The following PCNX2 variants were observed in gnomAD, a reference collection of about 807,000 sequenced individuals.
PCNX2 encodes the protein pecanex-like protein 2.
In PCNX2, 168 loss-of-function variants were observed where a neutral mutation model predicts 223.8. The ratio of observed to expected loss-of-function variants is 0.75; its 90% CI spans 0.66 to 0.85. The LOEUF (loss-of-function observed/expected upper bound fraction) is 0.85. Among genes scored for constraint, PCNX2 ranks in the 40% least tolerant of loss-of-function variants. The pLI, the probability that PCNX2 is intolerant of heterozygous loss-of-function variation, is 0.00. For missense variants in PCNX2, 2,507 were observed against 2,675.5 expected (o/e 0.94, Z 1.39); for synonymous variants, 1,006 against 1,052.6 (o/e 0.96, Z 0.86).
chr1:232,986,027 C>A (rs574525121), intron 33 of PCNX2, 65 bp downstream of exon 33: 1 of 1,519,278 alleles, frequency 6.6e-7, no homozygotes, highest in Non-Finnish European at 8.9e-7. Context: ...GCAGGTGCCA[C>A]GCTCAGGCCA....
At chr1:233,026,905 C>T (rs189491496) in intron 25 of PCNX2, among the ~76,000 whole-genome samples, 1 of 152,282 alleles carries the variant, frequency 6.6e-6, no homozygotes, top group East Asian at 1.9e-4. Context: ...GCTCTGGGGA[C>T]AAGCCCTGGC....
intron 23 of PCNX2, among the ~76,000 whole-genome samples, chr1:233,084,394 G>A (rs904793311): frequency 1.3e-5 from 2 of 152,148 alleles, no homozygotes; most frequent in Admixed American, 6.5e-5. Flanking sequence ...CAGTACACTC[G>A]CATAGATGAT....
chr1:233,081,758 C>G (rs1394661038), intron 23 of PCNX2, among the ~76,000 whole-genome samples: 1 of 152,182 alleles, frequency 6.6e-6, no homozygotes, highest in Non-Finnish European at 1.5e-5. Context: ...TTCTGACCTG[C>G]AGTGGTTCTG....
the PCNX2 span, among the ~76,000 whole-genome samples, chr1:233,319,657 G>T: frequency 3.5e-4 from 53 of 152,194 alleles, no homozygotes; most frequent in African/African-American, 1.2e-3. Context: ...GCCCTCACTT[G>T]AACAAGTGCT....
intron 1 of PCNX2, among the ~76,000 whole-genome samples, chr1:233,264,492 T>C (rs1398578446): frequency 6.6e-6 from 1 of 152,016 alleles, no homozygotes; most frequent in Non-Finnish European, 1.5e-5. Context: ...AGTTGGACTG[T>C]CCCTAAAATG....
intron 23 of PCNX2, among the ~76,000 whole-genome samples, chr1:233,080,154 G>A (rs77354855): frequency 0.018 from 2,717 of 152,176 alleles, 31 homozygotes; most frequent in East Asian, 0.053. Flanking sequence ...TTCAAACTTC[G>A]ATCTCTTTTC....
chr1:233,194,209 T>TA (rs1214391091), intron 15 of PCNX2, among the ~76,000 whole-genome samples: 3 of 152,128 alleles, frequency 2.0e-5, no homozygotes, highest in Non-Finnish European at 2.9e-5. Context: ...CAGATTTTTT[T>TA]ATCAGAAATT....
At chr1:233,084,180 G>A (rs1310208405) in intron 23 of PCNX2, among the ~76,000 whole-genome samples, 2 of 152,180 alleles carry the variant, frequency 1.3e-5, no homozygotes, top group Non-Finnish European at 2.9e-5. Context: ...GAGCGTATGT[G>A]CTGGGATTTT....
intron 23 of PCNX2, among the ~76,000 whole-genome samples, chr1:233,066,447 AT>A (rs929736622): frequency 6.6e-6 from 1 of 152,154 alleles, no homozygotes; most frequent in African/African-American, 2.4e-5. Context: ...GTGCCACCAT[AT>A]TCCCCTCATC....
At chr1:233,032,322 C>G (rs923785086) in intron 25 of PCNX2, among the ~76,000 whole-genome samples, 2 of 152,250 alleles carry the variant, frequency 1.3e-5, no homozygotes, top group Admixed American at 1.3e-4. Context: ...ATGCTGGTCT[C>G]AAACTCCCAA....
rs1676304040 is a variant in PCNX2 at position 233,129,342 on chromosome 1, A to G, written c.3837+5671T>C. On this transcript the variant is annotated intron_variant, in intron 21 of 33. Transcript: ENST00000258229. The stretch of plus-strand genomic sequence containing the variant: ...CTCGCCGGGCCTTAGCTGCCTCCCC[A>G]CGGGGCAGGGCTCCTGACCTGCAGC... 2.6e-5 allele frequency among the ~76,000 whole-genome samples: 4 copies of G among 152,100 alleles called. No homozygotes were observed. In the South Asian group the frequency reaches 8.3e-4, roughly 32 times the overall value.
chr1:233,038,420 G>A (rs1239750234), intron 25 of PCNX2, among the ~76,000 whole-genome samples: 2 of 152,056 alleles, frequency 1.3e-5, no homozygotes, highest in Non-Finnish European at 2.9e-5. Context: ...TTTCTCCCAT[G>A]AATTTTTGTT....
chr1:233,083,128 C>T (rs1218088040), intron 23 of PCNX2, among the ~76,000 whole-genome samples: 2 of 152,160 alleles, frequency 1.3e-5, no homozygotes, highest in African/African-American at 4.8e-5. Flanking sequence ...ACCTGATTTG[C>T]AGAATAGGTC....
intron 8 of PCNX2, among the ~76,000 whole-genome samples, chr1:233,239,074 T>C (rs1214292366): frequency 2.0e-5 from 3 of 152,216 alleles, no homozygotes; most frequent in African/African-American, 7.2e-5. Flanking sequence ...GAAATTGCAA[T>C]GTTGACACAA....
chr1:232,984,210 T>G lies in PCNX2; in HGVS notation c.*94A>C. On this transcript the variant is annotated 3_prime_UTR_variant, in exon 34 of 34. Coordinates refer to ENST00000258229, the MANE Select transcript of PCNX2 (RefSeq NM_014801.4). ...AGGAGGAGTCCCTCATGGATCGCGG[T>G]ATTGGTTGGTTGTGGTGATTTGGGG... The G allele has an allele frequency of 1.8e-6, 2 of 1,131,252 alleles. No homozygotes were observed. The highest frequency in any genetic ancestry group is 2.3e-6 in the Non-Finnish European group (2 of 875,054). 70.1% of individuals were successfully genotyped at this position (1,131,252 alleles called of 1,614,324 possible).
intron 8 of PCNX2, chr1:233,250,431 T>C (rs926289529): frequency 1.6e-5 from 9 of 549,930 alleles, no homozygotes; most frequent in African/African-American, 2.1e-5. Context: ...AATTTAATAA[T>C]GTGTTTGAGA....
In PCNX2 at chr1:233,105,380, TAATA is replaced by T. The variant is rs200274086; in HGVS notation, c.3838-9521_3838-9518del. On this transcript the variant is annotated intron_variant, in intron 21 of 33. Transcript: ENST00000258229. ...TTCATAAACATCCCTTACAAACTAG[TAATA>T]AAAGAGTTCTTTTTAAACCTCATAG... Among the ~76,000 whole-genome samples, 97 of 152,264 alleles carry T rather than the reference TAATA, an allele frequency of 6.4e-4. 1 individual carries two copies. The highest frequency in any genetic ancestry group is 3.9e-4 in the East Asian group (2 of 5,192).
chr1:233,304,632 A>G, the PCNX2 span, among the ~76,000 whole-genome samples: 1 of 152,214 alleles, frequency 6.6e-6, no homozygotes, highest in Admixed American at 6.5e-5. Flanking sequence ...AAGGATGGGC[A>G]GAGGAGAAAG....
chr1:232,998,508 G>A, intron 31 of PCNX2, 70 bp from the exon 32 acceptor site: 1 of 1,538,836 alleles, frequency 6.5e-7, no homozygotes, highest in Non-Finnish European at 8.8e-7. Flanking sequence ...GCACCACCAT[G>A]GCCTTGCCTA....
Sources: gnomAD v4.1 joint callset for allele counts (sites outside exome capture counted in the v4.1 genomes callset) on GRCh38, gnomAD v4.1.1 for gene constraint, MANE v1.5 for transcripts, NCBI Gene and HGNC (gene_info 2026-07-23, HGNC 2026-07-21) for gene names.